Variants in PDK1 observed in about 807,000 individuals in gnomAD.
PDK1 encodes the protein [Pyruvate dehydrogenase (acetyl-transferring)] kinase isozyme 1, mitochondrial.
Under a neutral mutation model 54.2 loss-of-function variants are expected in PDK1, and 39 were observed. The observed-to-expected ratio is 0.72, with a 90% CI of 0.56 to 0.94. The LOEUF is 0.94. Among genes scored for constraint, PDK1 ranks in the 40% least tolerant of loss-of-function variants. PDK1 has a pLI of 0.00. For missense variants in PDK1, 552 were observed against 566.0 expected (o/e 0.98, Z 0.25); for synonymous variants, 221 against 207.1 (o/e 1.07, Z -0.58).
At chr2:172,641,195 T>A in the PDK1 span, among the ~76,000 whole-genome samples, 2 of 147,778 alleles carry the variant, frequency 1.4e-5, no homozygotes, top group South Asian at 4.6e-4. Context: ...AGTGGCATCA[T>A]AACTCACTGT....
the PDK1 span, among the ~76,000 whole-genome samples, chr2:172,657,986 G>A: frequency 7.2e-5 from 11 of 152,202 alleles, no homozygotes; most frequent in Admixed American, 7.2e-4. Context: ...GAGATCACAT[G>A]GGGAGAGAGG....
chr2:172,698,089 G>A, the PDK1 span, among the ~76,000 whole-genome samples: 2 of 152,162 alleles, frequency 1.3e-5, no homozygotes, highest in Admixed American at 6.5e-5. Flanking sequence ...TTTTATGGCA[G>A]AGATAAAAGT....
At chr2:172,720,098 C>T in the PDK1 span, among the ~76,000 whole-genome samples, 2,439 of 116,560 alleles carry the variant, frequency 0.021, 157 homozygotes, top group African/African-American at 0.025. Context: ...AAGAGCTTTT[C>T]TCTCTCTCTC....
intron 8 of PDK1, among the ~76,000 whole-genome samples, chr2:172,584,830 G>GTTT (rs1273636309): frequency 1.0e-4 from 12 of 116,458 alleles, no homozygotes; most frequent in Admixed American, 1.8e-4. Context: ...TAATTTTAAA[G>GTTT]TTTTTTTTTT....
the PDK1 span, among the ~76,000 whole-genome samples, chr2:172,672,814 G>A: frequency 0.068 from 10,336 of 152,064 alleles, 1,066 homozygotes; most frequent in East Asian, 0.54. Flanking sequence ...TTTATAAGTC[G>A]CTCTGCTGCA....
chr2:172,617,468 A>G, the PDK1 span, among the ~76,000 whole-genome samples: 1 of 152,156 alleles, frequency 6.6e-6, no homozygotes, highest in African/African-American at 2.4e-5. Context: ...GGAGGATGAA[A>G]GTCCAAGAGC....
At position 172,600,918 on chromosome 2, in the gene PDK1, C is replaced by T. The variant is rs1037880960; in HGVS notation, c.*4949C>T. ...CATCTTGCAGCTGCAGGCATCCCCC[C>T]GGTCTGCTTTTAGCTTCCTTATCTT... On this transcript the variant is annotated 3_prime_UTR_variant, in exon 11 of 11. Coordinates refer to ENST00000282077, the MANE Select transcript of PDK1 (RefSeq NM_002610.5). 2.0e-5 allele frequency: 3 copies of T among 152,162 alleles called. No homozygotes were observed. The highest frequency in any genetic ancestry group is 4.4e-5 in the Non-Finnish European group (3 of 68,040). The allele number at this position is 152,162 out of a possible 1,614,324, so 9.4% of individuals were successfully genotyped here.
At chr2:172,622,985 C>T in the PDK1 span, among the ~76,000 whole-genome samples, 4 of 150,560 alleles carry the variant, frequency 2.7e-5, no homozygotes, top group African/African-American at 9.8e-5. Context: ...AGTTCTGTCC[C>T]TCTAGAGAAC....
chr2:172,699,851 C>A, the PDK1 span, among the ~76,000 whole-genome samples: 1 of 151,900 alleles, frequency 6.6e-6, no homozygotes, highest in Non-Finnish European at 1.5e-5. Context: ...GGAAGGTCAG[C>A]AGATAAACAT....
the PDK1 span, among the ~76,000 whole-genome samples, chr2:172,664,333 A>AAAAAAAAC: frequency 6.6e-6 from 1 of 150,808 alleles, no homozygotes; most frequent in Admixed American, 6.6e-5. Context: ...AAAAAAAAAA[A>AAAAAAAAC]AGCATTGCCT....
the PDK1 span, among the ~76,000 whole-genome samples, chr2:172,654,519 C>A: frequency 6.6e-6 from 1 of 150,754 alleles, no homozygotes; most frequent in African/African-American, 2.4e-5. Flanking sequence ...GACAGAAAAC[C>A]AAACACTGCA....
chr2:172,654,789 C>T, the PDK1 span, among the ~76,000 whole-genome samples: 1 of 152,100 alleles, frequency 6.6e-6, no homozygotes, highest in Non-Finnish European at 1.5e-5. Flanking sequence ...AATGTCAGTG[C>T]ACTCTGCCTC....
the PDK1 span, among the ~76,000 whole-genome samples, chr2:172,718,570 TGTA>T: frequency 1.3e-5 from 2 of 152,192 alleles, no homozygotes; most frequent in African/African-American, 4.8e-5. Flanking sequence ...TCAAATGTGA[TGTA>T]GTATATTGTA....
the PDK1 span, among the ~76,000 whole-genome samples, chr2:172,618,037 ACACT>A: frequency 1.3e-5 from 2 of 152,214 alleles, no homozygotes; most frequent in Non-Finnish European, 2.9e-5. Flanking sequence ...TATGATTTAA[ACACT>A]CATTTGATCA....
chr2:172,619,320 A>G, the PDK1 span, among the ~76,000 whole-genome samples: 1 of 152,120 alleles, frequency 6.6e-6, no homozygotes, highest in East Asian at 1.9e-4. Context: ...TGGATTTCCA[A>G]CTGTCTTGAG....
At chr2:172,625,258 T>A in the PDK1 span, among the ~76,000 whole-genome samples, 1 of 152,300 alleles carries the variant, frequency 6.6e-6, no homozygotes, top group South Asian at 2.1e-4. Flanking sequence ...TGTCTAAAAT[T>A]CCAGGGCTGT....
rs1691291456 is a variant in PDK1, at chr2:172,606,305, C to G, written c.*10336C>G. ...CTGGAAGGTAAAGAAGATCTCCTCT[C>G]TCTTAGAACTTAATCAAACTCTTGG... On this transcript the variant is annotated 3_prime_UTR_variant, in exon 11 of 11. Transcript: ENST00000282077. 6.6e-6 allele frequency: 1 copy of G among 152,232 alleles called. No individual in the cohort carries two copies. The highest frequency in any genetic ancestry group is 2.1e-4 in the South Asian group (1 of 4,830). 9.4% of individuals were successfully genotyped at this position (152,232 alleles called of 1,614,324 possible).
At chr2:172,668,569 ACT>A in the PDK1 span, among the ~76,000 whole-genome samples, 1 of 150,792 alleles carries the variant, frequency 6.6e-6, no homozygotes, top group Non-Finnish European at 1.5e-5. Flanking sequence ...CAATTGTTTG[ACT>A]CTCTCATCTA....
At chr2:172,674,005 A>G in the PDK1 span, among the ~76,000 whole-genome samples, 1 of 152,232 alleles carries the variant, frequency 6.6e-6, no homozygotes, top group Non-Finnish European at 1.5e-5. Context: ...CCCCATTTAC[A>G]ATTTAAAACA....
Sources: allele counts gnomAD v4.1 joint callset (sites outside exome capture counted in the v4.1 genomes callset), GRCh38; gene constraint gnomAD v4.1.1; transcripts MANE v1.5; gene names NCBI Gene and HGNC (gene_info 2026-07-23, HGNC 2026-07-21).